Variants in PRH1 observed in about 807,000 individuals in gnomAD.
PRH1 encodes proline rich protein HaeIII subfamily 1, also known as salivary acidic proline-rich phosphoprotein 1/2.
In PRH1, 7 loss-of-function variants were observed where a neutral mutation model predicts 7.9. That is an observed-to-expected ratio of 0.89 (90% CI 0.50 to 1.67). The LOEUF is 1.67. PRH1 is among the 40% of genes most tolerant of loss of function. The pLI is 0.00. For synonymous variants in PRH1, 45 were observed against 80.8 expected, an observed-to-expected ratio of 0.56 and a Z score of 2.38; for missense variants, 109 against 223.6, an observed-to-expected ratio of 0.49 and a Z score of 3.27.
intron 1 of PRH1, among the ~76,000 whole-genome samples, chr12:11,144,708 A>G (rs898693441): frequency 6.6e-6 from 1 of 152,152 alleles, no homozygotes; most frequent in African/African-American, 2.4e-5. Context: ...CTCCTGATGG[A>G]GTACTATGGT....
chr12:11,125,878 TC>T (rs1267849021), intron 1 of PRH1, among the ~76,000 whole-genome samples: 1 of 152,252 alleles, frequency 6.6e-6, no homozygotes, highest in Non-Finnish European at 1.5e-5. Flanking sequence ...GTTTATCTCT[TC>T]CTTTTTAAAA....
At chr12:11,088,579 T>C (rs1319257540) in intron 1 of PRH1, among the ~76,000 whole-genome samples, 1 of 111,684 alleles carries the variant, frequency 9.0e-6, no homozygotes, top group African/African-American at 3.0e-5. Flanking sequence ...GCTCTCTCTA[T>C]AAATTTCCTA....
intron 1 of PRH1, among the ~76,000 whole-genome samples, chr12:11,073,939 A>G (rs149592122): frequency 0.018 from 2,160 of 119,864 alleles, 78 homozygotes; most frequent in South Asian, 0.031. Context: ...ATCCAAGCAA[A>G]AAGCCCCTCA....
chr12:10,940,808 A>G (rs1368615764), intron 2 of PRH1, among the ~76,000 whole-genome samples: 6 of 152,242 alleles, frequency 3.9e-5, no homozygotes, highest in Non-Finnish European at 1.5e-5. Context: ...AATATGCCTC[A>G]TAAACGTCAA....
intron 2 of PRH1, among the ~76,000 whole-genome samples, chr12:10,969,825 A>C (rs1000823811): frequency 6.6e-6 from 1 of 152,144 alleles, no homozygotes; most frequent in African/African-American, 2.4e-5. Flanking sequence ...TTTGAGATGG[A>C]GTCTCACTCT....
intron 1 of PRH1, among the ~76,000 whole-genome samples, chr12:11,149,124 G>C (rs1201512774): frequency 2.0e-5 from 3 of 151,768 alleles, no homozygotes; most frequent in African/African-American, 7.3e-5. Context: ...TGTGGGATCG[G>C]TGGTGATATC....
At chr12:11,152,254 C>A (rs1947122021) in intron 1 of PRH1, among the ~76,000 whole-genome samples, 3 of 123,258 alleles carry the variant, frequency 2.4e-5, no homozygotes, top group Non-Finnish European at 4.9e-5. Context: ...CACAACAGGC[C>A]CCGGTGTGTG....
intron 1 of PRH1, among the ~76,000 whole-genome samples, chr12:11,053,155 A>C: frequency 6.6e-6 from 1 of 152,274 alleles, no homozygotes; most frequent in Non-Finnish European, 1.5e-5. Context: ...GCAGCACTGG[A>C]TTTCAAAATA....
upstream of PRH1, among the ~76,000 whole-genome samples, chr12:10,889,153 T>C (rs1027041622): frequency 1.3e-5 from 2 of 152,238 alleles, no homozygotes; most frequent in East Asian, 1.9e-4. Flanking sequence ...CTTTCCTTTA[T>C]GTTTAGAGAA....
intron 1 of PRH1, among the ~76,000 whole-genome samples, chr12:11,040,312 A>T (rs747060518): frequency 4.6e-5 from 7 of 152,228 alleles, no homozygotes; most frequent in Non-Finnish European, 4.4e-5. Context: ...AAGACAGGAA[A>T]CCAGATTTTC....
At position 10,901,364 on chromosome 12, in the gene PRH1, G is replaced by A. The variant is rs556436881; in HGVS notation, c.-58-17089C>T. ...AATCTCTCCAATATCCCTGTGCAAA[G>A]AACTTGGAGCCGAGGGGGTTACCTA... is the stretch of plus-strand genomic sequence containing the variant. On this transcript the variant is annotated intron_variant, in intron 2 of 3. Transcript: ENST00000539853. 2.6e-5 allele frequency among the ~76,000 whole-genome samples: 4 copies of A among 152,268 alleles called. No individual in the cohort carries two copies. The South Asian group carries it at 8.3e-4, about 32-fold the overall frequency.
chr12:11,100,837 C>A (rs1945217105), intron 1 of PRH1, among the ~76,000 whole-genome samples: 1 of 151,930 alleles, frequency 6.6e-6, no homozygotes, highest in Admixed American at 6.6e-5. Context: ...TGATTTTTTT[C>A]TCTAATGGAC....
chr12:10,948,656 T>C (rs188582070), intron 2 of PRH1, among the ~76,000 whole-genome samples: 1 of 152,354 alleles, frequency 6.6e-6, no homozygotes, highest in Admixed American at 6.5e-5. Flanking sequence ...AGAACTCTTG[T>C]TGGAAAACTG....
chr12:10,910,750 T>C (rs1949887245), intron 2 of PRH1, among the ~76,000 whole-genome samples: 1 of 152,164 alleles, frequency 6.6e-6, no homozygotes, highest in South Asian at 2.1e-4. Context: ...TTAATATAAA[T>C]AAAACACTTT....
upstream of PRH1, among the ~76,000 whole-genome samples, chr12:11,048,161 T>TAGATAG (rs543109079): frequency 6.5e-5 from 9 of 139,092 alleles, no homozygotes; most frequent in African/African-American, 2.1e-4. Flanking sequence ...TGTGTGTGTG[T>TAGATAG]ATAGATAGAT....
chr12:11,054,956 T>C lies in PRH1; in HGVS notation n.124-7768A>G, dbSNP rs187854933. On this transcript the variant is annotated intron_variant and non_coding_transcript_variant, in intron 1 of 4. Transcript: ENST00000541977. ...GCAAGCTCCGCCTCACTGCAAGCTC[T>C]GCCTCACTGCAAGCTCCATCTCCCA... 3.8e-3 allele frequency among the ~76,000 whole-genome samples: 563 copies of C among 146,394 alleles called. 2 individuals carry two copies. In the East Asian group the frequency reaches 0.046, roughly 12 times the overall value.
At chr12:10,944,544 C>G (rs923340242) in intron 2 of PRH1, among the ~76,000 whole-genome samples, 1 of 151,920 alleles carries the variant, frequency 6.6e-6, no homozygotes, top group African/African-American at 2.4e-5. Context: ...TTTGGGCGTC[C>G]TTTATTTCTT....
intron 1 of PRH1, chr12:10,986,834 A>G (rs151182270): frequency 6.5e-7 from 1 of 1,546,170 alleles, no homozygotes; most frequent in African/African-American, 1.4e-5. Context: ...TTAGAATTGA[A>G]AAAAAAATGT....
intron 1 of PRH1, among the ~76,000 whole-genome samples, chr12:10,976,395 C>G (rs1322180505): frequency 6.6e-6 from 1 of 151,988 alleles, no homozygotes; most frequent in Non-Finnish European, 1.5e-5. Context: ...TACAACATAC[C>G]AGAATTTCTG....
Sources: allele counts gnomAD v4.1 joint callset (sites outside exome capture counted in the v4.1 genomes callset), GRCh38; gene constraint gnomAD v4.1.1; transcripts MANE v1.5; gene names NCBI Gene and HGNC (gene_info 2026-07-23, HGNC 2026-07-21).